LRRC61: variants seen among roughly 807,000 people sequenced by gnomAD.
LRRC61 encodes leucine rich repeat containing 61.
LRRC61 carries 9 observed loss-of-function variants against 15.1 expected under a neutral mutation model. The observed-to-expected ratio is 0.60, with a 90% CI of 0.36 to 1.04. LRRC61 has a LOEUF of 1.04. LRRC61 is among the 50% of genes least tolerant of loss of function. The pLI is 0.01. For missense variants in LRRC61, 344 were observed against 335.6 expected, an observed-to-expected ratio of 1.03 and a Z score of -0.20; for synonymous variants, 173 against 158.6, an observed-to-expected ratio of 1.09 and a Z score of -0.68.
the LRRC61 span, among the ~76,000 whole-genome samples, chr7:150,315,220 TAA>T: frequency 6.6e-6 from 1 of 151,630 alleles, no homozygotes; most frequent in Non-Finnish European, 1.5e-5. Flanking sequence ...GCAATGACTA[TAA>T]AAGACTGACA....
chr7:150,337,338 C>CATCGACGG lies in LRRC61; in HGVS notation c.478_485dup (p.Glu163SerfsTer6). 1 of 1,604,304 alleles carries CATCGACGG rather than the reference C, an allele frequency of 6.2e-7. No homozygotes were observed. Among genetic ancestry groups the CATCGACGG allele is most frequent in the Non-Finnish European group, 8.5e-7 (1 of 1,179,932 alleles). On this transcript the variant is annotated frameshift_variant, in exon 3 of 3. Coordinates refer to ENST00000359623, the MANE Select transcript of LRRC61 (RefSeq NM_001142928.2). LOFTEE classifies it high-confidence loss of function. The stretch of plus-strand genomic sequence containing the variant: ...GGGAGCTGCTGCCTGGCCTGAAAGT[C>CATCGACGG]ATCGACGGTGAGCGTGTGATTGGGC...
the LRRC61 span, among the ~76,000 whole-genome samples, chr7:150,312,176 T>C: frequency 6.6e-6 from 1 of 152,218 alleles, no homozygotes; most frequent in African/African-American, 2.4e-5. Flanking sequence ...GCCAGTATTT[T>C]TCTTTCTCCT....
At chr7:150,312,545 T>A in the LRRC61 span, among the ~76,000 whole-genome samples, 1 of 152,220 alleles carries the variant, frequency 6.6e-6, no homozygotes, top group African/African-American at 2.4e-5. Flanking sequence ...TATGCCTGAT[T>A]ACTGTTTTTA....
Position 150,337,839 on chromosome 7 carries a change from C to T in LRRC61, c.*198C>T, listed in dbSNP as rs888148236. 1.9e-5 allele frequency: 12 copies of T among 639,644 alleles called. No individual in the cohort carries two copies. The highest frequency in any genetic ancestry group is 2.9e-5 in the Non-Finnish European group (11 of 378,634). The allele number at this position is 639,644 out of a possible 1,614,324, so 39.6% of individuals were successfully genotyped here. On this transcript the variant is annotated 3_prime_UTR_variant, in exon 3 of 3. Transcript: ENST00000359623. ...CAAGGACAGACTGAAGGGCTGTGAGCAGGTGTAAGGGCTCCCACATCCGTG... is the reference window on the plus strand; with the variant it reads ...CAAGGACAGACTGAAGGGCTGTGAGTAGGTGTAAGGGCTCCCACATCCGTG...
In LRRC61 at chr7:150,335,820, C is replaced by T. The variant is rs9942696; in HGVS notation, c.-144-898C>T. 0.036 allele frequency among the ~76,000 whole-genome samples: 5,554 copies of T among 152,268 alleles called. 221 individuals carry two copies. Among genetic ancestry groups the T allele is most frequent in the East Asian group, 0.13 (663 of 5,186 alleles). ...ACCCCTGCTTTGTGCCACAGTCATG[C>T]GCTGGCACCTGGACTCACCTGGTCC... On this transcript the variant is annotated intron_variant, in intron 2 of 2. Transcript: ENST00000359623. The surrounding 1 kb of genome is among the most constrained non-coding windows in gnomAD (Gnocchi z 4.3).
At chr7:150,328,441 C>T (rs978978125) in intron 2 of LRRC61, among the ~76,000 whole-genome samples, 1 of 152,140 alleles carries the variant, frequency 6.6e-6, no homozygotes, top group African/African-American at 2.4e-5. Flanking sequence ...ACAAACTAGG[C>T]CACCTAGCAG....
At chr7:150,328,826 G>A (rs11764936) in intron 2 of LRRC61, 3 of 152,068 alleles carry the variant, frequency 2.0e-5, no homozygotes, top group African/African-American at 7.3e-5. Context: ...AAAATTTAGC[G>A]TTCCCAAGTC....
rs1798162970 is a variant in LRRC61 at position 150,333,043 on chromosome 7, C to G, written c.-144-3675C>G. 6.6e-6 allele frequency among the ~76,000 whole-genome samples: 1 copy of G among 152,196 alleles called. No homozygotes were observed. ...GCAGCGTGCGTGACTGTGCTTCCATCCTTGAGCAGTTGGAACTGTTCTTGG... is the reference window on the plus strand; with the variant it reads ...GCAGCGTGCGTGACTGTGCTTCCATGCTTGAGCAGTTGGAACTGTTCTTGG... On this transcript the variant is annotated intron_variant, in intron 2 of 2. Coordinates refer to ENST00000359623, the MANE Select transcript of LRRC61 (RefSeq NM_001142928.2). This position sits in a 1 kb window ranked among gnomAD's most constrained non-coding sequence, Gnocchi z 4.3.
chr7:150,318,868 A>G (rs1797202484), upstream of LRRC61, among the ~76,000 whole-genome samples: 11 of 152,190 alleles, frequency 7.2e-5, no homozygotes, highest in Admixed American at 7.2e-4. Flanking sequence ...TACATAAACC[A>G]TGTGATTCTC....
chr7:150,316,279 G>A, the LRRC61 span, among the ~76,000 whole-genome samples: 2 of 152,156 alleles, frequency 1.3e-5, no homozygotes, highest in Non-Finnish European at 2.9e-5. Flanking sequence ...AATACATTGG[G>A]CCTGTTTAAA....
chr7:150,330,719 C>T lies in LRRC61; in HGVS notation c.-145+4709C>T, dbSNP rs781085130. ...ACCACTGGAAGCAAGTCCTCGTGTA[C>T]AAGGTGAAGGAGATTAGAGTGTCTG... On this transcript the variant is annotated intron_variant, in intron 2 of 2. Coordinates refer to ENST00000359623, the MANE Select transcript of LRRC61 (RefSeq NM_001142928.2). The surrounding 1 kb of genome is among the most constrained non-coding windows in gnomAD (Gnocchi z 4.6). 6.3e-7 allele frequency: 1 copy of T among 1,582,150 alleles called. No homozygotes were observed. The highest frequency in any genetic ancestry group is 2.2e-5 in the East Asian group (1 of 44,734).
intron 2 of LRRC61, among the ~76,000 whole-genome samples, chr7:150,328,341 T>C (rs1477191554): frequency 4.6e-5 from 7 of 152,208 alleles, no homozygotes; most frequent in Admixed American, 6.5e-5. Context: ...TCTGTAAAGA[T>C]GCTTTGGCCA....
chr7:150,331,098 C>A lies in LRRC61; in HGVS notation c.-145+5088C>A, dbSNP rs551547810. On this transcript the variant is annotated intron_variant, in intron 2 of 2. Coordinates refer to ENST00000359623, the MANE Select transcript of LRRC61 (RefSeq NM_001142928.2). ...GCCACCATCTATCTGTCTTACCCCC[C>A]ACAGGAGCCTTCTCTGAAAGCATCT... 6.6e-5 allele frequency: 107 copies of A among 1,610,356 alleles called. 1 individual carries two copies. Among genetic ancestry groups the A allele is most frequent in the East Asian group, 1.8e-4 (8 of 44,798 alleles).
chr7:150,337,734 G>A lies in LRRC61; in HGVS notation c.*93G>A. 7.6e-7 allele frequency: 1 copy of A among 1,319,418 alleles called. No homozygotes were observed. Among genetic ancestry groups the A allele is most frequent in the Non-Finnish European group, 1.0e-6 (1 of 974,866 alleles). 81.7% of individuals were successfully genotyped at this position (1,319,418 alleles called of 1,614,324 possible). On this transcript the variant is annotated 3_prime_UTR_variant, in exon 3 of 3. Transcript: ENST00000359623. ...ACACTCGTCTTAGTTGCTTCACACTGGTCACTGGCCCTGCACACTGGGCTA... is the reference window on the plus strand; with the variant it reads ...ACACTCGTCTTAGTTGCTTCACACTAGTCACTGGCCCTGCACACTGGGCTA...
At chr7:150,325,135 G>A (rs948569888) in intron 1 of LRRC61, among the ~76,000 whole-genome samples, 4 of 152,202 alleles carry the variant, frequency 2.6e-5, no homozygotes, top group Non-Finnish European at 5.9e-5. Flanking sequence ...GAGGCTCACT[G>A]TGGAGGCGCT....
At position 150,323,358 on chromosome 7, in the gene LRRC61, C is replaced by A; in HGVS notation, c.-517C>A. The A allele has an allele frequency of 7.0e-6, 2 of 283,942 alleles. No individual in the cohort carries two copies. Among genetic ancestry groups the A allele is most frequent in the South Asian group, 2.7e-5 (1 of 37,712 alleles). 17.6% of individuals were successfully genotyped at this position (283,942 alleles called of 1,614,324 possible). A position where few individuals can be genotyped will look rare whatever the true frequency, so the allele number is the denominator to read the frequency against. The stretch of plus-strand genomic sequence containing the variant: ...AGGCCCCCTGGGCGCGTTCCGGGAG[C>A]TCAGGCCTGCGGCGCTGGGAGAAGC... On this transcript the variant is annotated 5_prime_UTR_variant, in exon 1 of 3. Coordinates refer to ENST00000359623, the MANE Select transcript of LRRC61 (RefSeq NM_001142928.2).
intron 2 of LRRC61, among the ~76,000 whole-genome samples, chr7:150,334,396 C>T (rs1024725556): frequency 3.6e-5 from 5 of 138,102 alleles, no homozygotes; most frequent in South Asian, 2.3e-4. Flanking sequence ...CATTCAGCCT[C>T]GTAGGTCAGC....
upstream of LRRC61, chr7:150,322,592 T>C (rs1194113257): frequency 6.6e-6 from 1 of 152,264 alleles, no homozygotes; most frequent in Non-Finnish European, 1.5e-5. Context: ...TGCCCACCCC[T>C]TTCTCTGAAA....
At position 150,330,937 on chromosome 7, in the gene LRRC61, C is replaced by G. The variant is rs746670986; in HGVS notation, c.-145+4927C>G. On this transcript the variant is annotated intron_variant, in intron 2 of 2. Transcript: ENST00000359623. The surrounding 1 kb of genome is among the most constrained non-coding windows in gnomAD (Gnocchi z 4.6). ...CTGGAGAGCATGGGGCTGCTGGCCT[C>G]TGAGAGAAGCGGGGGCTCGCTGTCC... is the stretch of plus-strand genomic sequence containing the variant. 1.2e-6 allele frequency: 2 copies of G among 1,612,468 alleles called. No homozygotes were observed. The highest frequency in any genetic ancestry group is 2.7e-5 in the African/African-American group (2 of 74,904).
Sources: gnomAD v4.1 joint callset for allele counts (sites outside exome capture counted in the v4.1 genomes callset) on GRCh38, gnomAD v4.1.1 for gene constraint, Gnocchi (gnomAD v3.1) non-coding constraint, MANE v1.5 for transcripts, NCBI Gene and HGNC (gene_info 2026-07-23, HGNC 2026-07-21) for gene names.